FER: variants seen among roughly 807,000 people sequenced by gnomAD.
FER encodes tyrosine-protein kinase Fer.
FER carries 63 observed loss-of-function variants against 111.0 expected under a neutral mutation model. That is an observed-to-expected ratio of 0.57 (90% CI 0.46 to 0.70). The LOEUF (loss-of-function observed/expected upper bound fraction) is 0.70, where lower values mean the gene tolerates loss of function less well. Among genes scored for constraint, FER ranks in the 30% least tolerant of loss-of-function variants. FER has a pLI of 0.00. For missense variants in FER, 914 were observed against 954.0 expected (o/e 0.96, Z 0.55); for synonymous variants, 327 against 313.9 (o/e 1.04, Z -0.44).
chr5:108,858,791 C>G, intron 5 of FER, among the ~76,000 whole-genome samples: 1 of 138,450 alleles, frequency 7.2e-6, no homozygotes, highest in African/African-American at 2.8e-5. Flanking sequence ...TTTTTCTGTC[C>G]TCACAGTCTC....
At chr5:109,184,133 T>C (rs1758596142) in intron 18 of FER, among the ~76,000 whole-genome samples, 1 of 152,226 alleles carries the variant, frequency 6.6e-6, no homozygotes. Context: ...TAAGAAATCA[T>C]AAATCATCTA....
Position 109,180,776 on chromosome 5 carries a change from G to A in FER, c.2078G>A (p.Gly693Asp), listed in dbSNP as rs756195127. 9.9e-6 allele frequency: 16 copies of A among 1,613,340 alleles called. No homozygotes were observed. Among genetic ancestry groups the A allele is most frequent in the South Asian group, 9.9e-5 (9 of 90,956 alleles). ...RDLAARNCLV[G>D]ENNVLKISDF... ...CTTGCTGCAAGAAACTGCCTGGTAGGTGAAAATAATGTTCTGAAAATCAGT... is the reference window on the plus strand; with the variant it reads ...CTTGCTGCAAGAAACTGCCTGGTAGATGAAAATAATGTTCTGAAAATCAGT... Residue 693 changes from glycine to aspartate, a missense_variant, in exon 18 of 20, where the codon GGT becomes GAT. Transcript: ENST00000281092.
intron 9 of FER, chr5:108,894,436 C>A: frequency 1.9e-6 from 1 of 516,832 alleles, no homozygotes; most frequent in Non-Finnish European, 3.2e-6. Context: ...TATCGGACCA[C>A]TGAGCCCTGA....
chr5:109,177,195 A>G (rs1196488985), intron 17 of FER, among the ~76,000 whole-genome samples: 3 of 152,182 alleles, frequency 2.0e-5, no homozygotes, highest in African/African-American at 7.2e-5. Flanking sequence ...CTTGCAGCTA[A>G]CTATATAAAT....
intron 10 of FER, among the ~76,000 whole-genome samples, chr5:108,917,381 A>G (rs1257987234): frequency 2.0e-5 from 3 of 152,184 alleles, no homozygotes; most frequent in Non-Finnish European, 4.4e-5. Flanking sequence ...GGGGAGTAAA[A>G]CAAGCATGGA....
intron 16 of FER, among the ~76,000 whole-genome samples, chr5:109,078,109 G>T (rs1776579006): frequency 6.6e-6 from 1 of 152,124 alleles, no homozygotes. Context: ...GAGTGCTTCA[G>T]AATAGTTCAG....
At chr5:109,084,104 G>A (rs77938374) in intron 16 of FER, among the ~76,000 whole-genome samples, 5,245 of 152,004 alleles carry the variant, frequency 0.035, 146 homozygotes, top group South Asian at 0.085. Flanking sequence ...TGAGAAATAG[G>A]ACATGACTAT....
chr5:109,159,784 T>C (rs1219976703), intron 17 of FER, among the ~76,000 whole-genome samples: 1 of 152,092 alleles, frequency 6.6e-6, no homozygotes, highest in Non-Finnish European at 1.5e-5. Context: ...CAGACTAGAG[T>C]CTGCGAATAG....
intron 10 of FER, among the ~76,000 whole-genome samples, chr5:108,916,759 C>T (rs1581187917): frequency 6.6e-6 from 1 of 152,114 alleles, no homozygotes; most frequent in African/African-American, 2.4e-5. Context: ...CATGTTCGCT[C>T]ATGGGTTGGA....
chr5:109,017,337 TTAAAG>T (rs1767285274), intron 13 of FER, among the ~76,000 whole-genome samples: 1 of 151,966 alleles, frequency 6.6e-6, no homozygotes, highest in Admixed American at 6.6e-5. Flanking sequence ...ATTATAGAAT[TTAAAG>T]TATTTTATTT....
At chr5:109,064,075 G>A (rs1309690763) in intron 16 of FER, among the ~76,000 whole-genome samples, 2 of 152,090 alleles carry the variant, frequency 1.3e-5, no homozygotes, top group Non-Finnish European at 2.9e-5. Flanking sequence ...ATTTCTTTCT[G>A]ACCCCAGTGA....
At chr5:109,001,712 C>A (rs1764799060) in intron 13 of FER, among the ~76,000 whole-genome samples, 1 of 152,152 alleles carries the variant, frequency 6.6e-6, no homozygotes, top group African/African-American at 2.4e-5. Flanking sequence ...TTGCAGATGA[C>A]ATGATTGTAT....
intron 11 of FER, among the ~76,000 whole-genome samples, chr5:108,951,107 A>G (rs1220315144): frequency 1.3e-5 from 2 of 151,894 alleles, no homozygotes; most frequent in African/African-American, 4.8e-5. Context: ...TGTCTCCACT[A>G]AAAGTACAAA....
chr5:108,917,938 A>G lies in FER; in HGVS notation c.1236+20090A>G, dbSNP rs138047521. Among the ~76,000 whole-genome samples the G allele has an allele frequency of 4.6e-3, 701 of 152,266 alleles. 2 individuals are homozygous for G. Among genetic ancestry groups the G allele is most frequent in the African/African-American group, 0.016 (668 of 41,550 alleles). ...TTTACATGCTTGTGTTCATTTACTC[A>G]TTTATTTATTTCCTGCCTTACTCCC... On this transcript the variant is annotated intron_variant, in intron 10 of 19. Coordinates refer to ENST00000281092, the MANE Select transcript of FER (RefSeq NM_005246.4).
intron 10 of FER, among the ~76,000 whole-genome samples, chr5:108,899,641 C>CA (rs78199924): frequency 0.016 from 2,166 of 138,922 alleles, 22 homozygotes; most frequent in Non-Finnish European, 0.021. Flanking sequence ...TACTAAAATA[C>CA]AAAAAAAAAA....
intron 10 of FER, among the ~76,000 whole-genome samples, chr5:108,923,620 A>G (rs1410042030): frequency 6.6e-6 from 1 of 152,206 alleles, no homozygotes; most frequent in Non-Finnish European, 1.5e-5. Flanking sequence ...TTATAAAGCA[A>G]TTAACAAATC....
intron 13 of FER, among the ~76,000 whole-genome samples, chr5:108,970,151 A>G (rs1389565553): frequency 6.7e-6 from 1 of 148,496 alleles, no homozygotes; most frequent in Non-Finnish European, 1.5e-5. Flanking sequence ...CAAGTTTTCC[A>G]AACACTGTTT....
intron 17 of FER, among the ~76,000 whole-genome samples, chr5:109,134,698 A>G (rs937106801): frequency 6.6e-6 from 1 of 152,190 alleles, no homozygotes; most frequent in African/African-American, 2.4e-5. Context: ...AGAGGGATAT[A>G]TAGTCTCTCT....
At chr5:109,176,772 G>A (rs1324138640) in intron 17 of FER, among the ~76,000 whole-genome samples, 3 of 152,090 alleles carry the variant, frequency 2.0e-5, no homozygotes, top group Non-Finnish European at 2.9e-5. Flanking sequence ...AAGAATAATA[G>A]GGGAAAGAAG....
Sources: allele counts gnomAD v4.1 joint callset (sites outside exome capture counted in the v4.1 genomes callset), GRCh38; gene constraint gnomAD v4.1.1; transcripts MANE v1.5; gene names NCBI Gene and HGNC (gene_info 2026-07-23, HGNC 2026-07-21).